Variants in AADAC observed in about 807,000 individuals in gnomAD.
AADAC encodes arylacetamide deacetylase.
A neutral mutation model predicts 22.7 loss-of-function variants in AADAC; 17 were observed. The observed-to-expected ratio is 0.75, with a 90% CI of 0.51 to 1.12. The LOEUF (loss-of-function observed/expected upper bound fraction) is 1.12, where lower values mean the gene tolerates loss of function less well. AADAC is among the 50% of genes most tolerant of loss of function. The pLI is 0.00. For synonymous variants in AADAC, 167 were observed against 176.3 expected, an observed-to-expected ratio of 0.95 and a Z score of 0.42; for missense variants, 465 against 473.9, an observed-to-expected ratio of 0.98 and a Z score of 0.17.
chr3:151,815,888 T>C (rs952916739), intron 1 of AADAC, among the ~76,000 whole-genome samples: 1 of 151,986 alleles, frequency 6.6e-6, no homozygotes, highest in African/African-American at 2.4e-5. Flanking sequence ...CTGGCAATCT[T>C]TGAGTGTTCA....
intron 3 of AADAC, among the ~76,000 whole-genome samples, chr3:151,822,399 T>C (rs2108031756): frequency 6.6e-6 from 1 of 152,156 alleles, no homozygotes; most frequent in Non-Finnish European, 1.5e-5. Flanking sequence ...AGCAACCCAA[T>C]GTTCATTAAC....
intron 4 of AADAC, 94 bp from the exon 5 acceptor site, chr3:151,827,482 T>C: frequency 1.2e-6 from 1 of 807,120 alleles, no homozygotes; most frequent in Non-Finnish European, 1.9e-6. Context: ...GATAGATAGA[T>C]AAAAACAAGA....
At chr3:151,823,793 C>CA (rs1218192014) in intron 3 of AADAC, among the ~76,000 whole-genome samples, 2 of 151,936 alleles carry the variant, frequency 1.3e-5, no homozygotes, top group African/African-American at 4.8e-5. Context: ...CATAGGGCCC[C>CA]AAAAAACATG....
intron 1 of AADAC, 124 bp from the exon 2 acceptor site, chr3:151,817,242 T>A: frequency 2.6e-6 from 2 of 778,166 alleles, no homozygotes; most frequent in Non-Finnish European, 4.1e-6. Context: ...CAAGCAGGAT[T>A]CATGCATGAA....
chr3:151,819,313 C>T (rs1282102997), intron 2 of AADAC, among the ~76,000 whole-genome samples: 1 of 151,960 alleles, frequency 6.6e-6, no homozygotes, highest in African/African-American at 2.4e-5. Flanking sequence ...AGAAGTCCTG[C>T]ATCGTGTAGA....
In AADAC at chr3:151,828,281, C is replaced by A; in HGVS notation, c.*109C>A. 1.8e-6 allele frequency: 1 copy of A among 570,042 alleles called. No individual in the cohort carries two copies. The highest frequency in any genetic ancestry group is 2.7e-6 in the Non-Finnish European group (1 of 365,572). The allele number at this position is 570,042 out of a possible 1,614,324, so 35.3% of individuals were successfully genotyped here. ...TGGTCTAGTTAAGTTCCACATGTAG[C>A]ATAATTCTTAAATAGGCACTTTTCT... On this transcript the variant is annotated 3_prime_UTR_variant, in exon 5 of 5. Coordinates refer to ENST00000232892, the MANE Select transcript of AADAC (RefSeq NM_001086.3).
chr3:151,815,794 T>C (rs2108025078), intron 1 of AADAC, among the ~76,000 whole-genome samples: 1 of 152,150 alleles, frequency 6.6e-6, no homozygotes, highest in East Asian at 1.9e-4. Flanking sequence ...ATCTGCTTGT[T>C]TGTTTGCTTG....
At chr3:151,823,281 G>T (rs7431347) in intron 3 of AADAC, among the ~76,000 whole-genome samples, 1 of 148,416 alleles carries the variant, frequency 6.7e-6, no homozygotes, top group Non-Finnish European at 1.5e-5. Context: ...CTGTCTCCCC[G>T]CAAAAAAAAA....
chr3:151,827,329 C>T (rs577121909), intron 4 of AADAC, among the ~76,000 whole-genome samples: 5 of 151,944 alleles, frequency 3.3e-5, no homozygotes, highest in African/African-American at 1.2e-4. Context: ...TTGCATTATC[C>T]ATAAAGCATA....
At chr3:151,824,947 T>C (rs979422402) in intron 4 of AADAC, 113 bp downstream of exon 4, 32 of 741,160 alleles carry the variant, frequency 4.3e-5, no homozygotes, top group Non-Finnish European at 5.6e-5. Flanking sequence ...ATAGGAGATA[T>C]TGATTTTTTG....
At chr3:151,819,858 G>T (rs1255929606) in intron 2 of AADAC, among the ~76,000 whole-genome samples, 4 of 152,018 alleles carry the variant, frequency 2.6e-5, no homozygotes, top group Admixed American at 2.0e-4. Context: ...GATGCAAGCA[G>T]TAAGTTCCAG....
chr3:151,826,232 A>C (rs1381465515), intron 4 of AADAC, among the ~76,000 whole-genome samples: 3 of 152,018 alleles, frequency 2.0e-5, no homozygotes, highest in African/African-American at 4.8e-5. Flanking sequence ...ATAGATTTCT[A>C]ATCATTATTA....
At chr3:151,823,279 C>A (rs1215058013) in intron 3 of AADAC, among the ~76,000 whole-genome samples, 5 of 149,836 alleles carry the variant, frequency 3.3e-5, no homozygotes, top group Non-Finnish European at 7.4e-5. Flanking sequence ...CTCTGTCTCC[C>A]CGCAAAAAAA....
rs1266241206 is a variant in AADAC, at chr3:151,817,604, G to C, written c.361+16G>C. 2 of 1,607,196 alleles carry C rather than the reference G, an allele frequency of 1.2e-6. No individual in the cohort carries two copies. The highest frequency in any genetic ancestry group is 2.7e-5 in the African/African-American group (2 of 74,858). On this transcript the variant is annotated intron_variant, in intron 2 of 4. Transcript: ENST00000232892. ...GGAAGTGCTGGTAAGTGAATGCTTT[G>C]AAAAATCTCTGTCACTGAGGTAGTT...
chr3:151,819,509 G>T (rs1716142784), intron 2 of AADAC, among the ~76,000 whole-genome samples: 1 of 151,982 alleles, frequency 6.6e-6, no homozygotes, highest in Non-Finnish European at 1.5e-5. Flanking sequence ...ACTTAGTTGT[G>T]AAATAAATAA....
Position 151,828,222 on chromosome 3 carries a change from G to C in AADAC, c.*50G>C, listed in dbSNP as rs532987002. 2.8e-5 allele frequency: 34 copies of C among 1,225,458 alleles called. No individual in the cohort carries two copies. The African/African-American group carries it at 4.8e-4, about 17-fold the overall frequency. 75.9% of individuals were successfully genotyped at this position (1,225,458 alleles called of 1,614,324 possible). A position where few individuals can be genotyped will look rare whatever the true frequency, so the allele number is the denominator to read the frequency against. On this transcript the variant is annotated 3_prime_UTR_variant, in exon 5 of 5. Coordinates refer to ENST00000232892, the MANE Select transcript of AADAC (RefSeq NM_001086.3). ...TTAAAAATAAAATCTGAAAACCTCA[G>C]AAAATTTGCATTAGAAATTGGTCTT...
chr3:151,827,993 C>G lies in AADAC; in HGVS notation c.1021C>G (p.Gln341Glu). The change falls in exon 5 of 5, where the codon CAA becomes GAA. Residue 341 changes from glutamine (Q) to glutamate (E), a missense_variant. Transcript: ENST00000232892. ...ACCCCTGACCTATGTCATCACCTGT[C>G]AATATGATCTCTTAAGAGATGATGG... ...GLPLTYVITCQYDLLRDDGLM... is the reference protein window; with the variant it reads ...GLPLTYVITCEYDLLRDDGLM... 6.2e-7 allele frequency: 1 copy of G among 1,613,090 alleles called. No individual in the cohort carries two copies. Among genetic ancestry groups the G allele is most frequent in the Non-Finnish European group, 8.5e-7 (1 of 1,179,410 alleles).
Position 151,817,381 on chromosome 3 carries a change from C to T in AADAC, c.154C>T (p.Leu52Phe). The part of the protein sequence containing the change: ...TIQNLATFVE[L>F]LGLHHFMDSF... ...TCATTTTTAGGCTACATTTGTGGAG[C>T]TCCTGGGACTTCACCATTTTATGGA... Residue 52 changes from leucine to phenylalanine, a missense_variant, in exon 2 of 5, where the codon CTC (leucine) becomes TTC (phenylalanine). By Grantham distance (22) the Leu-to-Phe change is conservative. Transcript: ENST00000232892. 1 of 1,613,042 alleles carries T rather than the reference C, an allele frequency of 6.2e-7. No individual in the cohort carries two copies. The highest frequency in any genetic ancestry group is 8.5e-7 in the Non-Finnish European group (1 of 1,179,134).
Position 151,814,256 on chromosome 3 carries a change from A to C in AADAC, c.94A>C (p.Arg32=), listed in dbSNP as rs527841530. The C allele has an allele frequency of 6.2e-7, 1 of 1,613,414 alleles. No homozygotes were observed. The highest frequency in any genetic ancestry group is 2.2e-5 in the East Asian group (1 of 44,864). ...PLPDNVEEPW[R]MMWINAHLKT... The stretch of plus-strand genomic sequence containing the variant: ...CCCAGATAACGTTGAGGAGCCATGG[A>C]GAATGATGTGGATAAACGCACATCT... Residue 32 remains arginine, a synonymous_variant, in exon 1 of 5, where the codon AGA becomes CGA. Coordinates refer to ENST00000232892, the MANE Select transcript of AADAC (RefSeq NM_001086.3).
Sources: allele counts gnomAD v4.1 joint callset (sites outside exome capture counted in the v4.1 genomes callset), GRCh38; gene constraint gnomAD v4.1.1; transcripts MANE v1.5; gene names NCBI Gene and HGNC (gene_info 2026-07-23, HGNC 2026-07-21).